Variants in HSBP1 observed in about 807,000 individuals in gnomAD.
The protein encoded by HSBP1 is heat shock factor binding protein 1, also known as heat shock factor-binding protein 1.
Under a neutral mutation model 9.6 loss-of-function variants are expected in HSBP1, and 5 were observed. The observed-to-expected ratio is 0.52, with a 90% CI of 0.27 to 1.09. The LOEUF is 1.09. Among genes scored for constraint, HSBP1 ranks in the 50% least tolerant of loss-of-function variants. The probability of loss-of-function intolerance (pLI) is 0.11; values close to 1 mark genes in which losing one functional copy is unlikely to be tolerated. For missense variants in HSBP1, 121 were observed against 96.3 expected (o/e 1.26, Z -1.07); for synonymous variants, 42 against 33.3 (o/e 1.26, Z -0.90).
rs913496673 is a variant in HSBP1 at position 83,816,831 on chromosome 16, C to G, written c.*5413C>G. On this transcript the variant is annotated 3_prime_UTR_variant, in exon 4 of 4. Coordinates refer to ENST00000433866, the MANE Select transcript of HSBP1 (RefSeq NM_001537.4). Reference sequence around the variant, plus strand: ...GTGTAACGGTTCTGCTGATAGTTTCCGGACCCTCAGAGGTGGAGACATAAG... The same window carrying G: ...GTGTAACGGTTCTGCTGATAGTTTCGGGACCCTCAGAGGTGGAGACATAAG... The G allele has an allele frequency of 1.3e-5, 2 of 152,180 alleles. No homozygotes were observed. The highest frequency in any genetic ancestry group is 2.9e-5 in the Non-Finnish European group (2 of 68,064). The allele number at this position is 152,180 out of a possible 1,614,324, so 9.4% of individuals were successfully genotyped here. A position where few individuals can be genotyped will look rare whatever the true frequency, so the allele number is the denominator to read the frequency against.
intron 2 of HSBP1, 159 bp from the exon 3 acceptor site, chr16:83,809,146 C>A: frequency 1.7e-6 from 1 of 584,716 alleles, no homozygotes; most frequent in Non-Finnish European, 3.0e-6. Flanking sequence ...TAGCCATGCC[C>A]CACAGTCCTG....
At chr16:83,809,100 C>T in intron 2 of HSBP1, 1 of 555,064 alleles carries the variant, frequency 1.8e-6, no homozygotes, top group East Asian at 2.9e-5. Flanking sequence ...GGGGTTCCAT[C>T]ACTAGTAAGG....
intron 1 of HSBP1, 66 bp downstream of exon 1, chr16:83,808,187 G>A: frequency 7.4e-7 from 1 of 1,351,328 alleles, no homozygotes; most frequent in Non-Finnish European, 1.0e-6. Context: ...AAGCCCTGCT[G>A]GACAGAGGCG....
rs1904727805 is a variant in HSBP1 at position 83,816,605 on chromosome 16, A to G, written c.*5187A>G. ...CAGGACCCGCATGATAGGTTGAGCC[A>G]TGTGGTTCTTGTTTTTTTGTTGTCA... On this transcript the variant is annotated 3_prime_UTR_variant, in exon 4 of 4. Transcript: ENST00000433866. 1 of 152,134 alleles carries G rather than the reference A, an allele frequency of 6.6e-6. No individual in the cohort carries two copies. The highest frequency in any genetic ancestry group is 2.4e-5 in the African/African-American group (1 of 41,410). 9.4% of individuals were successfully genotyped at this position (152,134 alleles called of 1,614,324 possible).
Position 83,814,382 on chromosome 16 carries a change from A to T in HSBP1, c.*2964A>T, listed in dbSNP as rs926671484. On this transcript the variant is annotated 3_prime_UTR_variant, in exon 4 of 4. Coordinates refer to ENST00000433866, the MANE Select transcript of HSBP1 (RefSeq NM_001537.4). Reference sequence around the variant, plus strand: ...GAACCCAAGACGGGGAGTCAGGGGCACAAGGTCACAGCTGGTAATGATGAC... The same window carrying T: ...GAACCCAAGACGGGGAGTCAGGGGCTCAAGGTCACAGCTGGTAATGATGAC... The T allele has an allele frequency of 3.3e-5, 5 of 152,346 alleles. No homozygotes were observed. The highest frequency in any genetic ancestry group is 1.2e-4 in the African/African-American group (5 of 41,464). 9.4% of individuals were successfully genotyped at this position (152,346 alleles called of 1,614,324 possible).
chr16:83,809,241 C>T, intron 2 of HSBP1, 64 bp from the exon 3 acceptor site: 1 of 1,034,660 alleles, frequency 9.7e-7, no homozygotes, highest in Non-Finnish European at 1.5e-6. Flanking sequence ...AGGCTGTAGT[C>T]TGCAGGGACG....
rs1339338381 is a variant in HSBP1 at position 83,813,478 on chromosome 16, G to C, written c.*2060G>C. 1 of 152,488 alleles carries C rather than the reference G, an allele frequency of 6.6e-6. No homozygotes were observed. The highest frequency in any genetic ancestry group is 2.4e-5 in the African/African-American group (1 of 41,384). The allele number at this position is 152,488 out of a possible 1,614,324, so 9.4% of individuals were successfully genotyped here. On this transcript the variant is annotated 3_prime_UTR_variant, in exon 4 of 4. Transcript: ENST00000433866. ...CAGTCCTCCTGCCTCAGCCTCCCAA[G>C]TAGCTAATATTACAGGTTCGTGCCA...
chr16:83,811,400 T>C (rs1904598063), intron 3 of HSBP1, 21 bp from the exon 4 acceptor site: 1 of 152,266 alleles, frequency 6.6e-6, no homozygotes. Flanking sequence ...AACATGTTGA[T>C]GATTTTTCCT....
Position 83,809,438 on chromosome 16 carries a change from G to A in HSBP1, c.*2+13G>A, listed in dbSNP as rs1448976280. 3.8e-6 allele frequency: 5 copies of A among 1,315,590 alleles called. No homozygotes were observed. Among genetic ancestry groups the A allele is most frequent in the African/African-American group, 1.5e-5 (1 of 66,284 alleles). 81.5% of individuals were successfully genotyped at this position (1,315,590 alleles called of 1,614,324 possible). A position where few individuals can be genotyped will look rare whatever the true frequency, so the allele number is the denominator to read the frequency against. On this transcript the variant is annotated intron_variant, in intron 3 of 3. Coordinates refer to ENST00000433866, the MANE Select transcript of HSBP1 (RefSeq NM_001537.4). ...AAAAGAGTTGAAGGTGAGGAAGGGG[G>A]CAATTTTTTTTTTCTTTTCTTTTCT...
At position 83,813,418 on chromosome 16, in the gene HSBP1, T is replaced by C. The variant is rs1468603816; in HGVS notation, c.*2000T>C. 6.6e-6 allele frequency: 1 copy of C among 152,462 alleles called. No individual in the cohort carries two copies. The highest frequency in any genetic ancestry group is 2.4e-5 in the African/African-American group (1 of 41,426). The allele number at this position is 152,462 out of a possible 1,614,324, so 9.4% of individuals were successfully genotyped here. The stretch of plus-strand genomic sequence containing the variant: ...AGGCTGGAGTGCAGTGGCACAGTCA[T>C]AGCTCACTTGGAGCCTGAAGCTCCT... On this transcript the variant is annotated 3_prime_UTR_variant, in exon 4 of 4. Coordinates refer to ENST00000433866, the MANE Select transcript of HSBP1 (RefSeq NM_001537.4).
intron 3 of HSBP1, among the ~76,000 whole-genome samples, chr16:83,810,211 T>A (rs1904568551): frequency 6.6e-6 from 1 of 152,056 alleles, no homozygotes; most frequent in African/African-American, 2.4e-5. Flanking sequence ...AACTAGATTG[T>A]GGCCACATTA....
intron 3 of HSBP1, among the ~76,000 whole-genome samples, chr16:83,810,280 A>G (rs958611555): frequency 5.3e-5 from 8 of 152,120 alleles, no homozygotes; most frequent in Non-Finnish European, 7.3e-5. Context: ...GTCAGAGGAA[A>G]GCCTAGTAAT....
rs1200351566 is a variant in HSBP1 at position 83,814,846 on chromosome 16, A to G, written c.*3428A>G. 1 of 152,198 alleles carries G rather than the reference A, an allele frequency of 6.6e-6. No individual in the cohort carries two copies. The highest frequency in any genetic ancestry group is 2.4e-5 in the African/African-American group (1 of 41,442). 9.4% of individuals were successfully genotyped at this position (152,198 alleles called of 1,614,324 possible). On this transcript the variant is annotated 3_prime_UTR_variant, in exon 4 of 4. Transcript: ENST00000433866. Reference sequence around the variant, plus strand: ...TCCTCAAACATTTGCCCAGAGCACAACCACGGGGAATATGAACCACAGGTT... The same window carrying G: ...TCCTCAAACATTTGCCCAGAGCACAGCCACGGGGAATATGAACCACAGGTT...
chr16:83,817,225 C>G lies in HSBP1; in HGVS notation c.*5807C>G, dbSNP rs761159740. The G allele has an allele frequency of 2.0e-5, 3 of 152,280 alleles. No homozygotes were observed. Among genetic ancestry groups the G allele is most frequent in the Non-Finnish European group, 4.4e-5 (3 of 68,060 alleles). 9.4% of individuals were successfully genotyped at this position (152,280 alleles called of 1,614,324 possible). The stretch of plus-strand genomic sequence containing the variant: ...ATTCACCAAGTTCCATGGGATTCCG[C>G]CACGCCCGTGTCAACCCAGCTGACA... On this transcript the variant is annotated 3_prime_UTR_variant, in exon 4 of 4. Transcript: ENST00000433866.
At chr16:83,808,334 C>A in intron 1 of HSBP1, 1 of 555,036 alleles carries the variant, frequency 1.8e-6, no homozygotes, top group South Asian at 2.3e-5. Flanking sequence ...AGCCCGACCC[C>A]TTCCAGTAGC....
chr16:83,810,570 C>T (rs868564566), intron 3 of HSBP1, among the ~76,000 whole-genome samples: 1 of 135,220 alleles, frequency 7.4e-6, no homozygotes, highest in Non-Finnish European at 1.5e-5. Context: ...TGACTCATGC[C>T]TGTAATCCCA....
intron 2 of HSBP1, 105 bp downstream of exon 2, chr16:83,808,851 C>G: frequency 1.2e-6 from 1 of 821,316 alleles, no homozygotes; most frequent in African/African-American, 1.7e-5. Flanking sequence ...CAGCCATTCA[C>G]TTGTAGAATT....
chr16:83,808,174 G>A, intron 1 of HSBP1, 53 bp downstream of exon 1: 4 of 1,478,870 alleles, frequency 2.7e-6, no homozygotes, highest in Non-Finnish European at 3.7e-6. Context: ...GCGGCGCCGG[G>A]CCAAGCCCTG....
rs1904499417 is a variant in HSBP1, at chr16:83,808,033, A to G, written c.-44A>G. On this transcript the variant is annotated 5_prime_UTR_variant, in exon 1 of 4. Coordinates refer to ENST00000433866, the MANE Select transcript of HSBP1 (RefSeq NM_001537.4). ...CGACTGAGCGGACAAACGGAAGTGT[A>G]GGTTACGGTCTGAGACATCACCGCC... 2.0e-6 allele frequency: 3 copies of G among 1,491,466 alleles called. No individual in the cohort carries two copies. The highest frequency in any genetic ancestry group is 2.5e-5 in the South Asian group (2 of 79,078). The allele number at this position is 1,491,466 out of a possible 1,614,324, so 92.4% of individuals were successfully genotyped here.
Sources: gnomAD v4.1 joint callset for allele counts (sites outside exome capture counted in the v4.1 genomes callset) on GRCh38, gnomAD v4.1.1 for gene constraint, MANE v1.5 for transcripts, NCBI Gene and HGNC (gene_info 2026-07-23, HGNC 2026-07-21) for gene names.